Variants in BCAS3 observed in about 807,000 individuals in gnomAD.
BCAS3 encodes BCAS3 microtubule associated cell migration factor, also known as BCAS4/BCAS3 fusion.
BCAS3 carries 53 observed loss-of-function variants against 116.1 expected under a neutral mutation model. That is an observed-to-expected ratio of 0.46 (90% CI 0.37 to 0.57). The LOEUF (loss-of-function observed/expected upper bound fraction) is 0.57. Ranked by LOEUF, BCAS3 falls within the 20% of genes least tolerant of loss-of-function variation. The pLI is 0.00. For synonymous variants in BCAS3, 391 were observed against 408.2 expected, an observed-to-expected ratio of 0.96 and a Z score of 0.51; for missense variants, 917 against 1,165.4, an observed-to-expected ratio of 0.79 and a Z score of 3.10.
In BCAS3 at chr17:61,365,524, G is replaced by A. The variant is rs187371188; in HGVS notation, c.2426-2803G>A. Among the ~76,000 whole-genome samples the A allele has an allele frequency of 3.3e-5, 5 of 152,186 alleles. No individual in the cohort carries two copies. The highest frequency in any genetic ancestry group is 6.5e-5 in the Admixed American group (1 of 15,274). ...AACTTTTGTATTTTTAGTCGAGATGGCGTTTCACCATGTTGTCCAGGCTGG... is the reference window on the plus strand; with the variant it reads ...AACTTTTGTATTTTTAGTCGAGATGACGTTTCACCATGTTGTCCAGGCTGG... On this transcript the variant is annotated intron_variant, in intron 22 of 23. Transcript: ENST00000407086. This position sits in a 1 kb window ranked among gnomAD's most constrained non-coding sequence, Gnocchi z 4.6.
At chr17:60,795,789 A>G (rs1267251772) in intron 6 of BCAS3, among the ~76,000 whole-genome samples, 1 of 152,102 alleles carries the variant, frequency 6.6e-6, no homozygotes, top group Non-Finnish European at 1.5e-5. Flanking sequence ...TCCTGGGTTC[A>G]AGAGATTCTT....
intron 6 of BCAS3, among the ~76,000 whole-genome samples, chr17:60,777,127 G>T (rs1029538053): frequency 2.0e-5 from 3 of 151,924 alleles, no homozygotes; most frequent in African/African-American, 7.3e-5. Flanking sequence ...AAATCAGCAA[G>T]TATCAGGAGG....
In BCAS3 at chr17:61,361,988, A is replaced by G. The variant is rs955570472; in HGVS notation, c.2426-6339A>G. ...CCTCAGTCTACCAACTCGAATGCTA[A>G]TCTCTCCCAGAAACACCCCCCAGAC... On this transcript the variant is annotated intron_variant, in intron 22 of 23. Coordinates refer to ENST00000407086, the MANE Select transcript of BCAS3 (RefSeq NM_017679.5). This position sits in a 1 kb window ranked among gnomAD's most constrained non-coding sequence, Gnocchi z 6.5. 2 of 152,504 alleles carry G rather than the reference A, an allele frequency of 1.3e-5. No homozygotes were observed. The highest frequency in any genetic ancestry group is 4.8e-5 in the African/African-American group (2 of 41,448). The allele number at this position is 152,504 out of a possible 1,614,324, so 9.4% of individuals were successfully genotyped here. A position where few individuals can be genotyped will look rare whatever the true frequency, so the allele number is the denominator to read the frequency against.
intron 12 of BCAS3, among the ~76,000 whole-genome samples, chr17:60,920,526 A>G (rs2145141442): frequency 6.6e-6 from 1 of 152,318 alleles, no homozygotes; most frequent in East Asian, 1.9e-4. Context: ...AATGCTAATC[A>G]AAGCCACATG....
rs549774690 is a variant in BCAS3 at position 61,377,282 on chromosome 17, A to G, written c.2593+8788A>G. Among the ~76,000 whole-genome samples the G allele has an allele frequency of 6.6e-6, 1 of 152,318 alleles. No homozygotes were observed. The highest frequency in any genetic ancestry group is 2.4e-5 in the African/African-American group (1 of 41,568). Reference sequence around the variant, plus strand: ...CCAGTCCCACCAGCAGGTCACAAGCATCCCTACTCGGGACAAGAGGGAGCA... The same window carrying G: ...CCAGTCCCACCAGCAGGTCACAAGCGTCCCTACTCGGGACAAGAGGGAGCA... On this transcript the variant is annotated intron_variant, in intron 23 of 23. Transcript: ENST00000407086. The surrounding 1 kb of genome is among the most constrained non-coding windows in gnomAD (Gnocchi z 4.6).
At chr17:60,698,880 A>G (rs2035998035) in intron 4 of BCAS3, among the ~76,000 whole-genome samples, 1 of 152,134 alleles carries the variant, frequency 6.6e-6, no homozygotes, top group Non-Finnish European at 1.5e-5. Flanking sequence ...ACATGGTGAA[A>G]CCCCATCTTT....
chr17:60,752,616 G>T (rs1252777436), intron 6 of BCAS3, among the ~76,000 whole-genome samples: 2 of 151,660 alleles, frequency 1.3e-5, no homozygotes. Context: ...GTAGAGACGG[G>T]GTTTCACCAT....
chr17:60,866,564 G>A lies in BCAS3; in HGVS notation c.477-2012G>A, dbSNP rs1002750128. ...GCTACTGACATTATAAAATATGTTGGAAAGTGACTCTTCTACCTTACGAAA... is the reference window on the plus strand; with the variant it reads ...GCTACTGACATTATAAAATATGTTGAAAAGTGACTCTTCTACCTTACGAAA... On this transcript the variant is annotated intron_variant, in intron 7 of 23. Transcript: ENST00000407086. 3.3e-5 allele frequency among the ~76,000 whole-genome samples: 5 copies of A among 152,116 alleles called. No individual in the cohort carries two copies. The East Asian group carries it at 9.6e-4, about 29-fold the overall frequency.
At chr17:61,269,802 CTTT>C (rs775560445) in intron 22 of BCAS3, among the ~76,000 whole-genome samples, 3 of 139,766 alleles carry the variant, frequency 2.1e-5, no homozygotes, top group African/African-American at 2.6e-5. Context: ...TTCTTTCTTT[CTTT>C]TTTTTTTTTT....
rs35691381 is a variant in BCAS3 at position 60,770,400 on chromosome 17, C to CTTTTTT, written c.403+23153_403+23158dup. Among the ~76,000 whole-genome samples the CTTTTTT allele has an allele frequency of 7.8e-5, 6 of 76,904 alleles. 1 individual carries two copies. Among genetic ancestry groups the CTTTTTT allele is most frequent in the Non-Finnish European group, 1.2e-4 (4 of 33,966 alleles). 50.5% of individuals were successfully genotyped at this position (76,904 alleles called of 152,430 possible). On this transcript the variant is annotated intron_variant, in intron 6 of 23. Coordinates refer to ENST00000407086, the MANE Select transcript of BCAS3 (RefSeq NM_017679.5). ...CGCCTCTCTCATCCCAGTGTTCCCT[C>CTTTTTT]TTTTTTTTTTTTTTTTTTTTTTTTT...
At chr17:60,907,038 G>C (rs2058224243) in intron 11 of BCAS3, among the ~76,000 whole-genome samples, 1 of 151,928 alleles carries the variant, frequency 6.6e-6, no homozygotes, top group South Asian at 2.1e-4. Flanking sequence ...TAAATTTTTT[G>C]TCTCACTGCA....
chr17:61,284,148 C>T (rs1011838405), intron 22 of BCAS3, among the ~76,000 whole-genome samples: 2 of 152,124 alleles, frequency 1.3e-5, no homozygotes, highest in Non-Finnish European at 2.9e-5. Context: ...TAAAAATGGA[C>T]CAATCATCAC....
intron 22 of BCAS3, among the ~76,000 whole-genome samples, chr17:61,100,504 T>A (rs2074257479): frequency 6.6e-6 from 1 of 152,204 alleles, no homozygotes; most frequent in African/African-American, 2.4e-5. Flanking sequence ...ATTAAATTAA[T>A]TACTTTCTCA....
At chr17:61,174,303 T>A (rs2079017758) in intron 22 of BCAS3, among the ~76,000 whole-genome samples, 1 of 152,214 alleles carries the variant, frequency 6.6e-6, no homozygotes, top group South Asian at 2.1e-4. Flanking sequence ...CCGTTTGACC[T>A]ACATCTCACC....
chr17:61,201,989 ACCTC>A (rs2080853715), intron 22 of BCAS3, among the ~76,000 whole-genome samples: 1 of 146,332 alleles, frequency 6.8e-6, no homozygotes, highest in Non-Finnish European at 1.5e-5. Context: ...CAAACTCCTG[ACCTC>A]GTGATCCTCC....
chr17:61,011,164 GTAT>G (rs2084305032), intron 15 of BCAS3, among the ~76,000 whole-genome samples: 1 of 152,026 alleles, frequency 6.6e-6, no homozygotes, highest in Non-Finnish European at 1.5e-5. Context: ...AAATAGAAGA[GTAT>G]AGTAAAGAAA....
At chr17:60,775,582 CT>C (rs5821297) in intron 6 of BCAS3, among the ~76,000 whole-genome samples, 124,399 of 148,088 alleles carry the variant, frequency 0.84, 52,591 homozygotes, top group East Asian at 1. Flanking sequence ...TTCAGAATTT[CT>C]TTTTTTTTTT....
chr17:61,093,336 TC>T (rs1167946134), intron 22 of BCAS3, among the ~76,000 whole-genome samples: 1 of 152,168 alleles, frequency 6.6e-6, no homozygotes, highest in Non-Finnish European at 1.5e-5. Context: ...ATGCCTATAA[TC>T]CCACCTTGGG....
At position 61,248,443 on chromosome 17, in the gene BCAS3, C is replaced by T. The variant is rs764424748; in HGVS notation, c.2426-119884C>T. 2.0e-5 allele frequency among the ~76,000 whole-genome samples: 3 copies of T among 152,142 alleles called. No individual in the cohort carries two copies. The highest frequency in any genetic ancestry group is 4.4e-5 in the Non-Finnish European group (3 of 68,028). ...CATTTCTCAGGTCTTTCAAAGAAAA[C>T]AACTCGTAAAGATACTGGCAGTTGA... On this transcript the variant is annotated intron_variant, in intron 22 of 23. Transcript: ENST00000407086. The surrounding 1 kb of genome is among the most constrained non-coding windows in gnomAD (Gnocchi z 4.3).
Sources: allele counts gnomAD v4.1 joint callset (sites outside exome capture counted in the v4.1 genomes callset), GRCh38; gene constraint gnomAD v4.1.1; non-coding constraint Gnocchi (gnomAD v3.1); transcripts MANE v1.5; gene names NCBI Gene and HGNC (gene_info 2026-07-23, HGNC 2026-07-21).